The following SDHC variants were observed in gnomAD, a reference collection of about 807,000 sequenced individuals.
SDHC encodes succinate dehydrogenase complex subunit C, also known as succinate dehydrogenase cytochrome b560 subunit, mitochondrial.
In SDHC, 11 loss-of-function variants were observed where a neutral mutation model predicts 22.6. The ratio of observed to expected loss-of-function variants is 0.49; its 90% CI spans 0.31 to 0.81. The LOEUF (loss-of-function observed/expected upper bound fraction) is 0.81. SDHC is among the 30% of genes least tolerant of loss of function. The pLI is 0.05. For synonymous variants in SDHC, 80 were observed against 77.8 expected, an observed-to-expected ratio of 1.03 and a Z score of -0.15; for missense variants, 160 against 212.0, an observed-to-expected ratio of 0.75 and a Z score of 1.52.
rs199905707 is a variant in SDHC, at chr1:161,324,508, G to C, written c.77+838G>C. Among the ~76,000 whole-genome samples, 22 of 152,238 alleles carry C rather than the reference G, an allele frequency of 1.4e-4. 1 individual carries two copies. Among genetic ancestry groups the C allele is most frequent in the Admixed American group, 1.4e-3 (22 of 15,292 alleles). ...TTTTATACTTTCAGAAAAGTTATAC[G>C]AATAGTAGGATGAAGTTCTACATAT... On this transcript the variant is annotated intron_variant, in intron 2 of 5. Transcript: ENST00000367975.
Position 161,341,086 on chromosome 1 carries a change from T to C in SDHC, c.241+431T>C, listed in dbSNP as rs193212922. 1.0e-2 allele frequency among the ~76,000 whole-genome samples: 1,522 copies of C among 152,286 alleles called. 23 individuals are homozygous for C. The highest frequency in any genetic ancestry group is 0.032 in the African/African-American group (1,333 of 41,544). ...TCTTGATCTGACCTCATGATCCGCC[T>C]GCCTCAGCCTTCCAAAGTGCTGGGA... On this transcript the variant is annotated intron_variant, in intron 4 of 5. Coordinates refer to ENST00000367975, the MANE Select transcript of SDHC (RefSeq NM_003001.5).
intron 5 of SDHC, among the ~76,000 whole-genome samples, chr1:161,357,618 C>T (rs1452463772): frequency 2.0e-5 from 3 of 152,058 alleles, no homozygotes; most frequent in Non-Finnish European, 4.4e-5. Context: ...CCAGGCTGGT[C>T]TCAAACTCCT....
intron 1 of SDHC, among the ~76,000 whole-genome samples, chr1:161,315,726 C>T (rs1485487676): frequency 1.3e-5 from 2 of 152,234 alleles, no homozygotes; most frequent in East Asian, 3.9e-4. Context: ...TGGGTCGCCC[C>T]TCCACACCTG....
At chr1:161,314,485 C>G in intron 1 of SDHC, 60 bp downstream of exon 1, 2 of 1,591,242 alleles carry the variant, frequency 1.3e-6, no homozygotes, top group Non-Finnish European at 1.7e-6. Flanking sequence ...GAACTGGCCC[C>G]TCACGTTTTG....
chr1:161,360,714 C>G (rs1021430161), intron 5 of SDHC, among the ~76,000 whole-genome samples: 1 of 151,790 alleles, frequency 6.6e-6, no homozygotes, highest in African/African-American at 2.4e-5. Flanking sequence ...AAGAGTCTAT[C>G]TCTATTTTTT....
intron 1 of SDHC, among the ~76,000 whole-genome samples, chr1:161,320,443 A>G (rs1005921669): frequency 1.3e-5 from 2 of 152,214 alleles, no homozygotes; most frequent in African/African-American, 4.8e-5. Flanking sequence ...ACAGTCATAT[A>G]ATGTATGACT....
chr1:161,334,457 A>G (rs1451640652), intron 3 of SDHC, among the ~76,000 whole-genome samples: 1 of 151,996 alleles, frequency 6.6e-6, no homozygotes, highest in Non-Finnish European at 1.5e-5. Context: ...CCAGGCTGAA[A>G]TGGCACAAGT....
At chr1:161,347,232 A>T (rs1043747621) in intron 4 of SDHC, among the ~76,000 whole-genome samples, 1 of 152,106 alleles carries the variant, frequency 6.6e-6, no homozygotes, top group Non-Finnish European at 1.5e-5. Context: ...GGATCATTGG[A>T]TGATTATGAC....
chr1:161,334,326 TTTC>T (rs1339310407), intron 3 of SDHC, among the ~76,000 whole-genome samples: 1 of 149,560 alleles, frequency 6.7e-6, no homozygotes, highest in African/African-American at 2.4e-5. Flanking sequence ...CTCTTCTGCT[TTTC>T]TTTTTTCTCA....
chr1:161,343,435 C>T (rs1383833176), intron 4 of SDHC, among the ~76,000 whole-genome samples: 1 of 152,072 alleles, frequency 6.6e-6, no homozygotes, highest in Non-Finnish European at 1.5e-5. Context: ...GATAGAGACT[C>T]CTATCTAAGA....
chr1:161,347,926 G>A (rs557486586), intron 4 of SDHC, among the ~76,000 whole-genome samples: 1 of 152,058 alleles, frequency 6.6e-6, no homozygotes, highest in Non-Finnish European at 1.5e-5. Context: ...TAGAAAGTGG[G>A]CCAAATGGTG....
intron 4 of SDHC, among the ~76,000 whole-genome samples, chr1:161,356,138 G>T (rs1263054974): frequency 1.3e-5 from 2 of 152,160 alleles, no homozygotes; most frequent in East Asian, 1.9e-4. Flanking sequence ...TATAGAGACG[G>T]ATGTTGAAAG....
chr1:161,340,796 A>G, intron 4 of SDHC, 141 bp downstream of exon 4: 1 of 723,294 alleles, frequency 1.4e-6, no homozygotes, highest in East Asian at 2.5e-5. Context: ...TTGTTCATTC[A>G]TCCCTTTAAC....
rs367771863 is a variant in SDHC at position 161,343,936 on chromosome 1, G to T, written c.241+3281G>T. ...ACAACTGAAGAATTATTTGGGCAGG[G>T]TGCAGTGATTCACACCTGTAATCCC... On this transcript the variant is annotated intron_variant, in intron 4 of 5. Transcript: ENST00000367975. Among the ~76,000 whole-genome samples the T allele has an allele frequency of 7.9e-5, 12 of 152,078 alleles. No homozygotes were observed. The East Asian group carries it at 1.9e-3, about 24-fold the overall frequency.
At chr1:161,334,473 A>G (rs1333217120) in intron 3 of SDHC, among the ~76,000 whole-genome samples, 1 of 152,046 alleles carries the variant, frequency 6.6e-6, no homozygotes, top group Non-Finnish European at 1.5e-5. Context: ...CAAGTTTTCT[A>G]CAAGTTTTTA....
intron 1 of SDHC, among the ~76,000 whole-genome samples, chr1:161,317,013 G>GTTCTTT (rs750563512): frequency 1.7e-4 from 23 of 136,604 alleles, no homozygotes; most frequent in African/African-American, 4.6e-4. Context: ...TTTTTTTTTG[G>GTTCTTT]TTCTTTTTCT....
At chr1:161,321,182 C>A (rs1670823718) in intron 1 of SDHC, among the ~76,000 whole-genome samples, 1 of 152,102 alleles carries the variant, frequency 6.6e-6, no homozygotes, top group Non-Finnish European at 1.5e-5. Context: ...TGCCCCAATC[C>A]AGAGAAGAGT....
intron 3 of SDHC, among the ~76,000 whole-genome samples, chr1:161,337,495 C>T (rs1033824266): frequency 6.6e-6 from 1 of 152,092 alleles, no homozygotes; most frequent in Non-Finnish European, 1.5e-5. Flanking sequence ...CTTTTGAGGC[C>T]GTCGGTCATC....
intron 5 of SDHC, among the ~76,000 whole-genome samples, chr1:161,361,842 CAA>C (rs35337467): frequency 4.7e-4 from 26 of 54,828 alleles, no homozygotes; most frequent in Non-Finnish European, 7.2e-4. Flanking sequence ...GAGTCCGTCT[CAA>C]AAAAAAAAAA....
Sources: gnomAD v4.1 joint callset for allele counts (sites outside exome capture counted in the v4.1 genomes callset) on GRCh38, gnomAD v4.1.1 for gene constraint, MANE v1.5 for transcripts, NCBI Gene and HGNC (gene_info 2026-07-23, HGNC 2026-07-21) for gene names.